Variants in HTR4 observed in about 807,000 individuals in gnomAD.
HTR4 encodes the protein 5-hydroxytryptamine (serotonin) receptor 4, G protein-coupled.
HTR4 carries 16 observed loss-of-function variants against 36.8 expected under a neutral mutation model. The ratio of observed to expected loss-of-function variants is 0.43; its 90% CI spans 0.29 to 0.66. The LOEUF is 0.66. Among genes scored for constraint, HTR4 ranks in the 30% least tolerant of loss-of-function variants. HTR4 has a pLI of 0.13. For missense variants in HTR4, 438 were observed against 490.9 expected, an observed-to-expected ratio of 0.89 and a Z score of 1.02; for synonymous variants, 189 against 185.1, an observed-to-expected ratio of 1.02 and a Z score of -0.17.
chr5:148,553,884 C>T (rs1243188035), intron 2 of HTR4, among the ~76,000 whole-genome samples: 1 of 151,986 alleles, frequency 6.6e-6, no homozygotes, highest in African/African-American at 2.4e-5. Flanking sequence ...AGGGGTACAC[C>T]CGAAAGAATT....
chr5:148,619,155 A>T (rs1752818466), intron 2 of HTR4, among the ~76,000 whole-genome samples: 1 of 152,194 alleles, frequency 6.6e-6, no homozygotes, highest in Non-Finnish European at 1.5e-5. Flanking sequence ...AAACCTTAGA[A>T]TTCAGTCCAG....
intron 2 of HTR4, among the ~76,000 whole-genome samples, chr5:148,633,981 G>A (rs1753432403): frequency 6.6e-6 from 1 of 152,132 alleles, no homozygotes; most frequent in Non-Finnish European, 1.5e-5. Context: ...AGTCAAGGAT[G>A]CTGACAGACA....
intron 2 of HTR4, among the ~76,000 whole-genome samples, chr5:148,552,250 T>C (rs1318406432): frequency 6.6e-6 from 1 of 152,234 alleles, no homozygotes. Flanking sequence ...AGATTGTTTA[T>C]GACTGAAGTT....
At chr5:148,472,008 A>G (rs1309337920), downstream of HTR4, among the ~76,000 whole-genome samples, 2 of 151,946 alleles carry the variant, frequency 1.3e-5, no homozygotes, top group African/African-American at 2.4e-5. Flanking sequence ...GCTTTCTTAT[A>G]CTCTCAGGAT....
chr5:148,466,011 T>A (rs1215503871), intron 5 of HTR4: 1 of 1,569,580 alleles, frequency 6.4e-7, no homozygotes, highest in Non-Finnish European at 8.6e-7. Context: ...AACATAGAGA[T>A]TAGTAGACAC....
chr5:148,636,986 T>C lies in HTR4; in HGVS notation c.26+3A>G. The stretch of plus-strand genomic sequence containing the variant: ...ACACAATATGTACAGAAAGGTAACA[T>C]ACCTCACATTAGCATCAAGTTTGTC... On this transcript the variant is annotated splice_donor_region_variant and intron_variant, in intron 2 of 6. Transcript: ENST00000377888. 7 of 1,578,604 alleles carry C rather than the reference T, an allele frequency of 4.4e-6. No homozygotes were observed. The highest frequency in any genetic ancestry group is 6.1e-6 in the Non-Finnish European group (7 of 1,148,234).
At chr5:148,505,895 C>T (rs1757175000) in intron 6 of HTR4, among the ~76,000 whole-genome samples, 2 of 152,158 alleles carry the variant, frequency 1.3e-5, no homozygotes, top group South Asian at 2.1e-4. Context: ...AATGGAAGGA[C>T]ATTCCATGCT....
chr5:148,511,619 T>TTGTGTGTGTGTGTGTGTGTG, intron 5 of HTR4, among the ~76,000 whole-genome samples: 1 of 139,348 alleles, frequency 7.2e-6, no homozygotes, highest in South Asian at 2.4e-4. Flanking sequence ...TTGTGGAAGT[T>TTGTGTGTGTGTGTGTGTGTG]TGTGTGTGTG....
chr5:148,594,576 A>C (rs76210003), intron 2 of HTR4, among the ~76,000 whole-genome samples: 18,494 of 152,100 alleles, frequency 0.12, 1,214 homozygotes, highest in African/African-American at 0.15. Flanking sequence ...GCCTCCCCTG[A>C]CTTCATTTAG....
chr5:148,583,641 TCA>T (rs1413941049), intron 2 of HTR4, among the ~76,000 whole-genome samples: 3 of 151,692 alleles, frequency 2.0e-5, no homozygotes, highest in African/African-American at 7.3e-5. Flanking sequence ...ATCATCATCA[TCA>T]TCATCATTAT....
At chr5:148,606,171 T>A (rs1752156986) in intron 2 of HTR4, among the ~76,000 whole-genome samples, 1 of 151,908 alleles carries the variant, frequency 6.6e-6, no homozygotes, top group Non-Finnish European at 1.5e-5. Context: ...TTCAAATGAA[T>A]TTGAAATATG....
intron 6 of HTR4, among the ~76,000 whole-genome samples, chr5:148,498,128 C>A (rs1756767199): frequency 6.6e-6 from 1 of 152,146 alleles, no homozygotes; most frequent in Non-Finnish European, 1.5e-5. Context: ...ATTGGCTACC[C>A]ATTTGCTTAT....
intron 2 of HTR4, among the ~76,000 whole-genome samples, chr5:148,561,310 T>C (rs1049207414): frequency 2.6e-5 from 4 of 152,198 alleles, no homozygotes; most frequent in Non-Finnish European, 4.4e-5. Context: ...GATTTCAGGA[T>C]GAAAGACACT....
intron 2 of HTR4, among the ~76,000 whole-genome samples, chr5:148,599,003 A>G (rs1170672181): frequency 6.6e-6 from 1 of 152,230 alleles, no homozygotes; most frequent in Non-Finnish European, 1.5e-5. Flanking sequence ...TAATTGATTA[A>G]TGTAACAGCA....
At chr5:148,556,516 T>A (rs1759958908) in intron 2 of HTR4, among the ~76,000 whole-genome samples, 1 of 152,198 alleles carries the variant, frequency 6.6e-6, no homozygotes, top group Non-Finnish European at 1.5e-5. Context: ...AGTACTAGAT[T>A]CAATAGTAAA....
At position 148,554,703 on chromosome 5, in the gene HTR4, A is replaced by G. The variant is rs138512204; in HGVS notation, c.27-4441T>C. ...ATTTTAGGTCCAGAGGTACATGTGC[A>G]GGTTTGTTATACAGGGGGTTTGGTG... On this transcript the variant is annotated intron_variant, in intron 2 of 6. Transcript: ENST00000377888. 9.3e-4 allele frequency among the ~76,000 whole-genome samples: 141 copies of G among 152,282 alleles called. 1 individual carries two copies. The highest frequency in any genetic ancestry group is 3.4e-3 in the Middle Eastern group (1 of 294).
intron 5 of HTR4, among the ~76,000 whole-genome samples, chr5:148,513,887 C>T (rs892379419): frequency 2.0e-5 from 3 of 151,934 alleles, no homozygotes; most frequent in Non-Finnish European, 4.4e-5. Context: ...GTAAATGGTA[C>T]CATGTTAAAA....
chr5:148,576,120 A>AAAAACAAAC (rs59671689), intron 2 of HTR4, among the ~76,000 whole-genome samples: 3,532 of 130,814 alleles, frequency 0.027, 296 homozygotes, highest in African/African-American at 0.096. Flanking sequence ...CAAAAAAAAA[A>AAAAACAAAC]AAAAAAAAAA....
intron 2 of HTR4, among the ~76,000 whole-genome samples, chr5:148,608,575 C>T (rs1752278780): frequency 6.6e-6 from 1 of 152,134 alleles, no homozygotes. Flanking sequence ...TCACAAAAGC[C>T]TTTAACAGCC....
Sources: allele counts gnomAD v4.1 joint callset (sites outside exome capture counted in the v4.1 genomes callset), GRCh38; gene constraint gnomAD v4.1.1; transcripts MANE v1.5; gene names NCBI Gene and HGNC (gene_info 2026-07-23, HGNC 2026-07-21).